The following CTNNA3 variants were observed in gnomAD, a reference collection of about 807,000 sequenced individuals.
CTNNA3 encodes the protein catenin alpha 3, also known as catenin alpha-3.
CTNNA3 carries 76 observed loss-of-function variants against 95.7 expected under a neutral mutation model. The ratio of observed to expected loss-of-function variants is 0.79; its 90% CI spans 0.66 to 0.96. The LOEUF (loss-of-function observed/expected upper bound fraction) is 0.96. Ranked by LOEUF, CTNNA3 falls within the 40% of genes least tolerant of loss-of-function variation. CTNNA3 has a pLI of 0.00. For synonymous variants in CTNNA3, 431 were observed against 374.4 expected (o/e 1.15, Z -1.74); for missense variants, 1,191 against 1,089.8 (o/e 1.09, Z -1.31).
At chr10:66,930,557 A>T (rs1490597928) in intron 7 of CTNNA3, among the ~76,000 whole-genome samples, 1 of 152,174 alleles carries the variant, frequency 6.6e-6, no homozygotes, top group Non-Finnish European at 1.5e-5. Context: ...ATTCTTTTTC[A>T]CTTAACCTTC....
At chr10:66,055,164 C>T (rs969855427) in intron 15 of CTNNA3, among the ~76,000 whole-genome samples, 2 of 152,134 alleles carry the variant, frequency 1.3e-5, no homozygotes, top group Non-Finnish European at 2.9e-5. Context: ...GTGACGTCTC[C>T]AGCTTCAGTC....
At chr10:66,566,823 G>A (rs1450337860) in intron 10 of CTNNA3, among the ~76,000 whole-genome samples, 3 of 151,732 alleles carry the variant, frequency 2.0e-5, no homozygotes, top group Non-Finnish European at 4.4e-5. Context: ...ACTGAATGTG[G>A]ATATTAGCAA....
intron 13 of CTNNA3, among the ~76,000 whole-genome samples, chr10:66,199,806 T>TGTATATATATATA (rs1554887153): frequency 1.1e-4 from 1 of 9,036 alleles, no homozygotes; most frequent in Non-Finnish European, 1.8e-4. Context: ...TATATATATA[T>TGTATATATATATA]TTTTTTTTTT....
intron 3 of CTNNA3, among the ~76,000 whole-genome samples, chr10:67,605,635 A>C (rs1843246457): frequency 6.6e-6 from 1 of 152,258 alleles, no homozygotes; most frequent in African/African-American, 2.4e-5. Flanking sequence ...TATACCTTAA[A>C]TATACACAGT....
intron 10 of CTNNA3, among the ~76,000 whole-genome samples, chr10:66,522,157 T>A (rs763405154): frequency 3.9e-5 from 6 of 152,164 alleles, no homozygotes; most frequent in Admixed American, 2.0e-4. Context: ...ATCTTCAACA[T>A]CATCTCATCT....
intron 7 of CTNNA3, among the ~76,000 whole-genome samples, chr10:66,923,809 AT>A (rs1846919466): frequency 6.6e-6 from 1 of 152,184 alleles, no homozygotes; most frequent in Non-Finnish European, 1.5e-5. Flanking sequence ...CCATGTACAA[AT>A]GTTGAACATT....
chr10:66,846,058 G>C (rs1389478424), intron 7 of CTNNA3, among the ~76,000 whole-genome samples: 1 of 151,756 alleles, frequency 6.6e-6, no homozygotes, highest in East Asian at 1.9e-4. Context: ...CTTGAACCCG[G>C]GAGGCGGAGG....
chr10:66,278,566 T>G (rs1313062306), intron 13 of CTNNA3, among the ~76,000 whole-genome samples: 1 of 152,182 alleles, frequency 6.6e-6, no homozygotes, highest in East Asian at 1.9e-4. Flanking sequence ...ATGAGGAATA[T>G]GTAAAAATAA....
At chr10:67,721,207 T>A (rs1841178192) in intron 1 of CTNNA3, among the ~76,000 whole-genome samples, 1 of 152,168 alleles carries the variant, frequency 6.6e-6, no homozygotes. Context: ...TTGGCCTGTC[T>A]TGCTAGGCTG....
At chr10:67,711,754 C>A (rs1237028634) in intron 1 of CTNNA3, among the ~76,000 whole-genome samples, 2 of 127,832 alleles carry the variant, frequency 1.6e-5, no homozygotes, top group Non-Finnish European at 3.2e-5. Context: ...CCACAACTGT[C>A]CCCAGAGTGT....
intron 13 of CTNNA3, among the ~76,000 whole-genome samples, chr10:66,143,151 A>G (rs2083701355): frequency 6.6e-6 from 1 of 152,108 alleles, no homozygotes; most frequent in Non-Finnish European, 1.5e-5. Context: ...AATATGAACC[A>G]TTTGACAGAA....
chr10:66,310,213 C>T, intron 12 of CTNNA3, among the ~76,000 whole-genome samples: 1 of 151,780 alleles, frequency 6.6e-6, no homozygotes, highest in Non-Finnish European at 1.5e-5. Context: ...AGATATTAAG[C>T]CTTTGGTGCT....
chr10:66,337,910 TAAGATA>T (rs1168536869), intron 12 of CTNNA3, among the ~76,000 whole-genome samples: 1 of 152,000 alleles, frequency 6.6e-6, no homozygotes, highest in African/African-American at 2.4e-5. Context: ...GGTATCTATA[TAAGATA>T]AAGATAAATG....
intron 5 of CTNNA3, among the ~76,000 whole-genome samples, chr10:67,286,714 A>T (rs1839616818): frequency 6.6e-6 from 1 of 152,230 alleles, no homozygotes; most frequent in Admixed American, 6.5e-5. Context: ...CATTCAAGAA[A>T]TGGGAAGGCC....
chr10:66,493,996 C>A (rs1840018423), intron 11 of CTNNA3, among the ~76,000 whole-genome samples: 1 of 150,680 alleles, frequency 6.6e-6, no homozygotes, highest in African/African-American at 2.5e-5. Flanking sequence ...CAACCTCCGC[C>A]TCCCGGGTTC....
intron 7 of CTNNA3, among the ~76,000 whole-genome samples, chr10:66,817,058 A>G (rs190402351): frequency 6.6e-6 from 1 of 152,048 alleles, no homozygotes; most frequent in Non-Finnish European, 1.5e-5. Context: ...GTAAATGCTT[A>G]TGTTAGAAAA....
chr10:66,439,253 T>C (rs1373458323), intron 11 of CTNNA3, among the ~76,000 whole-genome samples: 1 of 152,176 alleles, frequency 6.6e-6, no homozygotes, highest in African/African-American at 2.4e-5. Flanking sequence ...ATATATCAAA[T>C]AGTACTATTT....
At chr10:66,561,925 G>A (rs556100266) in intron 10 of CTNNA3, among the ~76,000 whole-genome samples, 6 of 152,080 alleles carry the variant, frequency 3.9e-5, no homozygotes, top group Admixed American at 2.0e-4. Flanking sequence ...ACATCGTGAC[G>A]ATGGTTTGTG....
chr10:66,021,255 T>TA (rs2079199386), intron 15 of CTNNA3, among the ~76,000 whole-genome samples: 4 of 152,168 alleles, frequency 2.6e-5, no homozygotes, highest in Non-Finnish European at 5.9e-5. Flanking sequence ...TCAAACCTAC[T>TA]AAATTAGGAA....
Sources: allele counts gnomAD v4.1 joint callset (sites outside exome capture counted in the v4.1 genomes callset), GRCh38; gene constraint gnomAD v4.1.1; transcripts MANE v1.5; gene names NCBI Gene and HGNC (gene_info 2026-07-23, HGNC 2026-07-21).